STK31: variants seen among roughly 807,000 people sequenced by gnomAD.
STK31 encodes the protein serine/threonine kinase 31.
A neutral mutation model predicts 129.7 loss-of-function variants in STK31; 89 were observed. That is an observed-to-expected ratio of 0.69 (90% confidence interval 0.58 to 0.82). STK31 has a LOEUF of 0.82. Among genes scored for constraint, STK31 ranks in the 40% least tolerant of loss-of-function variants. STK31 has a pLI of 0.00. For synonymous variants in STK31, 448 were observed against 395.3 expected (o/e 1.13, Z -1.58); for missense variants, 1,187 against 1,176.4 (o/e 1.01, Z -0.13).
chr7:23,718,289 A>C (rs992040642), intron 4 of STK31, among the ~76,000 whole-genome samples: 4 of 152,164 alleles, frequency 2.6e-5, no homozygotes, highest in African/African-American at 9.6e-5. Flanking sequence ...GATTCACAAA[A>C]AATTTGTAAG....
intron 6 of STK31, among the ~76,000 whole-genome samples, chr7:23,733,695 G>T (rs2128078485): frequency 6.6e-6 from 1 of 152,144 alleles, no homozygotes; most frequent in Non-Finnish European, 1.5e-5. Flanking sequence ...TGTAGTCCCA[G>T]CTACTTGGGA....
At chr7:23,729,652 G>GTAGCGTGATCTC (rs1446331530) in intron 6 of STK31, among the ~76,000 whole-genome samples, 5 of 151,538 alleles carry the variant, frequency 3.3e-5, no homozygotes, top group African/African-American at 9.7e-5. Flanking sequence ...CTGGATTACA[G>GTAGCGTGATCTC]GCCTGTGCCA....
chr7:23,815,034 TTAAG>T (rs1562627407), intron 22 of STK31, 106 bp from the exon 23 acceptor site: 16 of 719,736 alleles, frequency 2.2e-5, no homozygotes, highest in Middle Eastern at 4.1e-4. Flanking sequence ...TGTGCTTTCT[TTAAG>T]TAAGCTCTTT....
At chr7:23,730,621 A>G (rs1036165468) in intron 6 of STK31, among the ~76,000 whole-genome samples, 1 of 151,836 alleles carries the variant, frequency 6.6e-6, no homozygotes, top group East Asian at 1.9e-4. Context: ...GTAGTCTAGA[A>G]TAATTAAATG....
chr7:23,721,459 T>TG (rs1786685483), intron 4 of STK31: 1 of 1,083,056 alleles, frequency 9.2e-7, no homozygotes, highest in Non-Finnish European at 1.4e-6. Context: ...CTTCCATTTT[T>TG]TCATCCTCCT....
intron 10 of STK31, among the ~76,000 whole-genome samples, chr7:23,760,542 T>A (rs1472015816): frequency 6.6e-6 from 1 of 152,220 alleles, no homozygotes; most frequent in Non-Finnish European, 1.5e-5. Flanking sequence ...TTTATAAACA[T>A]TTTCTTACAT....
intron 8 of STK31, among the ~76,000 whole-genome samples, chr7:23,748,112 A>G (rs1788471334): frequency 6.6e-6 from 1 of 152,236 alleles, no homozygotes; most frequent in Non-Finnish European, 1.5e-5. Flanking sequence ...TTGTCAATGC[A>G]CTGCCTGTGC....
At chr7:23,824,279 A>C (rs1053851042) in intron 23 of STK31, among the ~76,000 whole-genome samples, 2 of 152,152 alleles carry the variant, frequency 1.3e-5, no homozygotes. Context: ...TTCATTGAGC[A>C]GTGGTTTGTA....
chr7:23,768,932 C>G, intron 11 of STK31, 63 bp from the exon 12 acceptor site: 1 of 1,375,738 alleles, frequency 7.3e-7, no homozygotes, highest in Non-Finnish European at 9.7e-7. Flanking sequence ...TAGATCCTAA[C>G]ACAGTGCTCG....
intron 16 of STK31, 45 bp from the exon 17 acceptor site, chr7:23,783,538 A>T: frequency 7.2e-7 from 1 of 1,390,130 alleles, no homozygotes; most frequent in South Asian, 1.2e-5. Context: ...TCAAAATTGA[A>T]TATATATTGA....
In STK31 at chr7:23,730,871, TATATA is replaced by T. The variant is rs1224219277; in HGVS notation, c.483+1623_483+1627del. 1.4e-4 allele frequency among the ~76,000 whole-genome samples: 7 copies of T among 50,928 alleles called. 1 individual carries two copies. Among genetic ancestry groups the T allele is most frequent in the African/African-American group, 2.1e-4 (4 of 19,142 alleles). 33.4% of individuals were successfully genotyped at this position (50,928 alleles called of 152,430 possible). On this transcript the variant is annotated intron_variant, in intron 6 of 23. Coordinates refer to ENST00000355870, the MANE Select transcript of STK31 (RefSeq NM_031414.5). ...ATATAAACATTTATATATATATATA[TATATA>T]TATTTTTTTTTTTTTTTTTTGGTTG...
At chr7:23,779,925 G>A (rs1159008129) in intron 15 of STK31, among the ~76,000 whole-genome samples, 1 of 152,130 alleles carries the variant, frequency 6.6e-6, no homozygotes, top group Non-Finnish European at 1.5e-5. Flanking sequence ...CTGCCCAAAC[G>A]TCTGCCCAGT....
chr7:23,783,810 A>G (rs1297640231), intron 17 of STK31, 147 bp downstream of exon 17: 6 of 587,124 alleles, frequency 1.0e-5, no homozygotes, highest in Non-Finnish European at 1.7e-5. Flanking sequence ...ACTTTTTCTT[A>G]TGACCCTTTA....
At chr7:23,793,845 T>G (rs1178401139) in intron 22 of STK31, among the ~76,000 whole-genome samples, 2 of 152,214 alleles carry the variant, frequency 1.3e-5, no homozygotes, top group Non-Finnish European at 2.9e-5. Context: ...GTTGAACATA[T>G]TCCTACCCTA....
chr7:23,762,245 C>G (rs866552639), intron 10 of STK31, among the ~76,000 whole-genome samples: 18 of 146,904 alleles, frequency 1.2e-4, no homozygotes, highest in Admixed American at 1.1e-3. Flanking sequence ...CCTCCCTCCA[C>G]CCCGAGATAA....
chr7:23,791,805 C>G (rs1383050723), intron 22 of STK31, among the ~76,000 whole-genome samples: 4 of 152,170 alleles, frequency 2.6e-5, no homozygotes, highest in Admixed American at 2.6e-4. Flanking sequence ...AGAAGGAAGA[C>G]TATTCTTATC....
At position 23,775,738 on chromosome 7, in the gene STK31, A is replaced by T. The variant is rs570009436; in HGVS notation, c.1965+3460A>T. ...CTTAAGGAGATTTTGGGCTGAGACG[A>T]TGGGGTTTTCTAAATATACAATCAT... On this transcript the variant is annotated intron_variant, in intron 15 of 23. Transcript: ENST00000355870. Among the ~76,000 whole-genome samples the T allele has an allele frequency of 7.9e-5, 12 of 152,244 alleles. No individual in the cohort carries two copies. The East Asian group carries it at 2.3e-3, about 29-fold the overall frequency.
chr7:23,717,719 ATATT>A, intron 4 of STK31, 140 bp downstream of exon 4: 1 of 628,964 alleles, frequency 1.6e-6, no homozygotes, highest in South Asian at 2.1e-5. Context: ...CTGTTATGGT[ATATT>A]TATTAATTCA....
At chr7:23,796,521 T>C (rs1791965594) in intron 22 of STK31, among the ~76,000 whole-genome samples, 1 of 152,202 alleles carries the variant, frequency 6.6e-6, no homozygotes, top group African/African-American at 2.4e-5. Flanking sequence ...TTAAAAACTT[T>C]ATTTTTAGAT....
Sources: allele counts gnomAD v4.1 joint callset (sites outside exome capture counted in the v4.1 genomes callset), GRCh38; gene constraint gnomAD v4.1.1; transcripts MANE v1.5; gene names NCBI Gene and HGNC (gene_info 2026-07-23, HGNC 2026-07-21).